Variants in FAM53B observed in about 807,000 individuals in gnomAD.
FAM53B encodes protein FAM53B.
FAM53B carries 12 observed loss-of-function variants against 32.7 expected under a neutral mutation model. The ratio of observed to expected loss-of-function variants is 0.37; its 90% CI spans 0.24 to 0.59. The LOEUF (loss-of-function observed/expected upper bound fraction) is 0.59. FAM53B is among the 20% of genes least tolerant of loss of function. The pLI is 0.72. For missense variants in FAM53B, 477 were observed against 577.7 expected, an observed-to-expected ratio of 0.83 and a Z score of 1.79; for synonymous variants, 234 against 228.7, an observed-to-expected ratio of 1.02 and a Z score of -0.21.
chr10:124,722,899 T>C (rs1433954792), intron 1 of FAM53B, among the ~76,000 whole-genome samples: 1 of 151,994 alleles, frequency 6.6e-6, no homozygotes, highest in Non-Finnish European at 1.5e-5. Flanking sequence ...CATTCTGGAG[T>C]TCTCCAAATA....
intron 4 of FAM53B, among the ~76,000 whole-genome samples, chr10:124,675,022 C>T (rs1038655037): frequency 6.6e-6 from 1 of 152,234 alleles, no homozygotes; most frequent in African/African-American, 2.4e-5. Context: ...GTGGAAATCA[C>T]CAAGTGGCAC....
intron 2 of FAM53B, among the ~76,000 whole-genome samples, chr10:124,703,081 G>A (rs1363634437): frequency 6.6e-6 from 1 of 151,808 alleles, no homozygotes; most frequent in Non-Finnish European, 1.5e-5. Flanking sequence ...TCACTCTGTC[G>A]CCCAGGCTGG....
intron 4 of FAM53B, among the ~76,000 whole-genome samples, chr10:124,669,216 C>T (rs1949692102): frequency 6.6e-6 from 1 of 152,258 alleles, no homozygotes; most frequent in Admixed American, 6.5e-5. Flanking sequence ...GATGTGTCCA[C>T]TTGAGGGATG....
At chr10:124,687,724 T>C (rs1382917613) in intron 3 of FAM53B, among the ~76,000 whole-genome samples, 2 of 152,198 alleles carry the variant, frequency 1.3e-5, no homozygotes, top group Non-Finnish European at 2.9e-5. Context: ...AGACCCCGTC[T>C]CTGACTTGGT....
intron 3 of FAM53B, among the ~76,000 whole-genome samples, chr10:124,686,367 G>A (rs1047405741): frequency 5.3e-5 from 8 of 152,294 alleles, no homozygotes; most frequent in Admixed American, 6.5e-5. Flanking sequence ...TTTCTTTGTC[G>A]TAGGGAAGAT....
intron 2 of FAM53B, among the ~76,000 whole-genome samples, chr10:124,701,455 C>A (rs556415103): frequency 6.6e-6 from 1 of 152,236 alleles, no homozygotes; most frequent in East Asian, 1.9e-4. Flanking sequence ...CAGCCAGCCA[C>A]CAGCTCCCTT....
At chr10:124,730,964 C>T (rs1036820810) in intron 1 of FAM53B, among the ~76,000 whole-genome samples, 3 of 152,162 alleles carry the variant, frequency 2.0e-5, no homozygotes, top group Non-Finnish European at 4.4e-5. Flanking sequence ...CCTACACAAA[C>T]GGATGTGGCT....
intron 4 of FAM53B, among the ~76,000 whole-genome samples, chr10:124,648,938 G>A (rs997052324): frequency 2.6e-5 from 4 of 152,242 alleles, no homozygotes; most frequent in Non-Finnish European, 5.9e-5. Context: ...AGCCACTTGC[G>A]GGAGACAGGA....
At position 124,623,036 on chromosome 10, in the gene FAM53B, G is replaced by A. The variant is rs1589727542; in HGVS notation, c.*206C>T. On this transcript the variant is annotated 3_prime_UTR_variant, in exon 5 of 5. Transcript: ENST00000337318. ...GGTGGCTGCCACGCTCGGGGAGCCG[G>A]TGAGAGGCTGACACACCCGCTGTAT... 8 of 604,706 alleles carry A rather than the reference G, an allele frequency of 1.3e-5. No homozygotes were observed. The highest frequency in any genetic ancestry group is 1.7e-5 in the Non-Finnish European group (6 of 359,776). The allele number at this position is 604,706 out of a possible 1,614,324, so 37.5% of individuals were successfully genotyped here.
intron 4 of FAM53B, among the ~76,000 whole-genome samples, chr10:124,647,760 AGACC>A (rs1481486826): frequency 1.3e-5 from 2 of 152,196 alleles, no homozygotes; most frequent in African/African-American, 4.8e-5. Flanking sequence ...TGTTGAGGGC[AGACC>A]CAAGATGGCT....
At chr10:124,740,075 T>C (rs1285894568) in intron 1 of FAM53B, among the ~76,000 whole-genome samples, 1 of 152,152 alleles carries the variant, frequency 6.6e-6, no homozygotes. Flanking sequence ...TCCAGCCTCC[T>C]CGCATCACTC....
At chr10:124,694,767 G>A (rs969275313) in intron 3 of FAM53B, among the ~76,000 whole-genome samples, 8 of 152,196 alleles carry the variant, frequency 5.3e-5, no homozygotes, top group South Asian at 2.1e-4. Context: ...TCAATCCTGT[G>A]GGGACGGGCC....
Position 124,621,068 on chromosome 10 carries a change from G to A in FAM53B, c.*2174C>T, listed in dbSNP as rs907133932. 16 of 152,218 alleles carry A rather than the reference G, an allele frequency of 1.1e-4. No homozygotes were observed. The highest frequency in any genetic ancestry group is 3.1e-4 in the African/African-American group (13 of 41,430). The allele number at this position is 152,218 out of a possible 1,614,324, so 9.4% of individuals were successfully genotyped here. ...TCCCACGACATATACCTGTCACCAT[G>A]TGCCTCCCACCCCAGCCCTAAGCAA... On this transcript the variant is annotated 3_prime_UTR_variant, in exon 5 of 5. Transcript: ENST00000337318.
At chr10:124,647,198 G>A (rs1949522317) in intron 4 of FAM53B, among the ~76,000 whole-genome samples, 1 of 152,204 alleles carries the variant, frequency 6.6e-6, no homozygotes, top group South Asian at 2.1e-4. Context: ...CTCATTTAAT[G>A]TGTATCACTG....
chr10:124,653,026 G>C (rs1949566045), intron 4 of FAM53B, among the ~76,000 whole-genome samples: 1 of 152,168 alleles, frequency 6.6e-6, no homozygotes, highest in Admixed American at 6.5e-5. Context: ...CTAAGAGGTA[G>C]GACCCACGTG....
At chr10:124,683,289 A>G (rs1949784040) in intron 3 of FAM53B, among the ~76,000 whole-genome samples, 1 of 152,228 alleles carries the variant, frequency 6.6e-6, no homozygotes, top group African/African-American at 2.4e-5. Context: ...AGATGCAAAG[A>G]TAAATTTGAC....
intron 4 of FAM53B, among the ~76,000 whole-genome samples, chr10:124,649,741 A>T (rs1402119045): frequency 6.6e-6 from 1 of 152,168 alleles, no homozygotes; most frequent in African/African-American, 2.4e-5. Flanking sequence ...TCCCTCACAC[A>T]CTGGGAAGTG....
chr10:124,632,533 G>C (rs1194328784), intron 4 of FAM53B, among the ~76,000 whole-genome samples: 1 of 152,228 alleles, frequency 6.6e-6, no homozygotes, highest in Non-Finnish European at 1.5e-5. Flanking sequence ...GATGCAGAAG[G>C]TATGTCCAAG....
At chr10:124,671,099 C>T (rs1490557682) in intron 4 of FAM53B, 6 of 443,234 alleles carry the variant, frequency 1.4e-5, no homozygotes, top group Admixed American at 4.7e-5. Context: ...CAGAGGCAGC[C>T]GTACATCTCC....
Sources: gnomAD v4.1 joint callset for allele counts (sites outside exome capture counted in the v4.1 genomes callset) on GRCh38, gnomAD v4.1.1 for gene constraint, MANE v1.5 for transcripts, NCBI Gene and HGNC (gene_info 2026-07-23, HGNC 2026-07-21) for gene names.